MYRFL: variants seen among roughly 807,000 people sequenced by gnomAD.
MYRFL encodes the protein myelin regulatory factor like, also known as myelin regulatory factor-like protein.
In MYRFL, 88 loss-of-function variants were observed where a neutral mutation model predicts 109.4. That is an observed-to-expected ratio of 0.80 (90% CI 0.68 to 0.96). MYRFL has a LOEUF of 0.96. Ranked by LOEUF, MYRFL falls within the 40% of genes least tolerant of loss-of-function variation. The pLI is 0.00. For missense variants in MYRFL, 957 were observed against 954.9 expected (o/e 1.00, Z -0.03); for synonymous variants, 324 against 320.9 (o/e 1.01, Z -0.10).
At chr12:69,872,498 TAA>T (rs201962246) in intron 2 of MYRFL, among the ~76,000 whole-genome samples, 1 of 151,644 alleles carries the variant, frequency 6.6e-6, no homozygotes, top group African/African-American at 2.4e-5. Context: ...TAATCTTAAA[TAA>T]AAAAAATTTT....
chr12:69,885,500 C>T (rs900951288), intron 5 of MYRFL, among the ~76,000 whole-genome samples: 1 of 152,070 alleles, frequency 6.6e-6, no homozygotes, highest in African/African-American at 2.4e-5. Flanking sequence ...AGCTAATGTC[C>T]TATTTGTACA....
At chr12:69,868,868 A>T (rs539360386) in intron 2 of MYRFL, among the ~76,000 whole-genome samples, 1 of 152,150 alleles carries the variant, frequency 6.6e-6, no homozygotes, top group Non-Finnish European at 1.5e-5. Context: ...GTGCACACAC[A>T]CGCGCACACA....
intron 11 of MYRFL, among the ~76,000 whole-genome samples, chr12:69,908,262 G>A (rs1363951999): frequency 6.6e-6 from 1 of 152,210 alleles, no homozygotes; most frequent in Non-Finnish European, 1.5e-5. Flanking sequence ...CTCACGGGGT[G>A]TATGTGATAT....
chr12:69,869,799 A>G (rs879813202), intron 2 of MYRFL, among the ~76,000 whole-genome samples: 3 of 152,170 alleles, frequency 2.0e-5, no homozygotes, highest in Admixed American at 6.5e-5. Flanking sequence ...TGTCTGGTAG[A>G]GTCATGAGCA....
chr12:69,891,434 G>C (rs571453332), intron 7 of MYRFL, among the ~76,000 whole-genome samples: 2 of 152,182 alleles, frequency 1.3e-5, no homozygotes, highest in African/African-American at 4.8e-5. Context: ...CTCAAATGGG[G>C]CTCTAACTGA....
intron 1 of MYRFL, among the ~76,000 whole-genome samples, chr12:69,845,809 A>C (rs1404249071): frequency 7.1e-6 from 1 of 141,822 alleles, no homozygotes; most frequent in East Asian, 2.0e-4. Context: ...AAAAAAAAAA[A>C]ACCTTGTTAT....
chr12:69,863,768 A>G (rs545703064), intron 2 of MYRFL, among the ~76,000 whole-genome samples: 2 of 152,278 alleles, frequency 1.3e-5, no homozygotes, highest in South Asian at 2.1e-4. Flanking sequence ...AAGTTCCACA[A>G]TTCTTTCTGG....
At chr12:69,897,051 C>G (rs1368549332) in intron 9 of MYRFL, 105 bp from the exon 10 acceptor site, 5 of 786,400 alleles carry the variant, frequency 6.4e-6, no homozygotes, top group Non-Finnish European at 1.1e-5. Flanking sequence ...TAAGCAAACT[C>G]TTCTCGATAA....
intron 20 of MYRFL, among the ~76,000 whole-genome samples, 190 bp from the exon 21 acceptor site, chr12:69,952,609 C>G (rs570459323): frequency 2.8e-4 from 43 of 152,076 alleles, no homozygotes; most frequent in Non-Finnish European, 5.9e-4. Context: ...CTAATAGGTA[C>G]TATAACCCCC....
intron 13 of MYRFL, among the ~76,000 whole-genome samples, chr12:69,912,173 C>T (rs1566019954): frequency 6.6e-6 from 1 of 152,230 alleles, no homozygotes; most frequent in Non-Finnish European, 1.5e-5. Context: ...CTGCCTCCTG[C>T]TTCCCAAGAA....
At chr12:69,891,757 A>G (rs1009382770) in intron 7 of MYRFL, among the ~76,000 whole-genome samples, 5 of 150,358 alleles carry the variant, frequency 3.3e-5, no homozygotes, top group South Asian at 2.1e-4. Flanking sequence ...GGAGCACAGC[A>G]GCATGATTAT....
chr12:69,838,444 C>A (rs983976041), intron 1 of MYRFL, among the ~76,000 whole-genome samples: 2 of 152,162 alleles, frequency 1.3e-5, no homozygotes, highest in South Asian at 2.1e-4. Context: ...AATAATAATT[C>A]TTCCAAACTT....
Position 69,927,731 on chromosome 12 carries a change from C to A in MYRFL, c.1813C>A (p.His605Asn). 1.3e-6 allele frequency: 2 copies of A among 1,530,830 alleles called. No individual in the cohort carries two copies. Among genetic ancestry groups the A allele is most frequent in the African/African-American group, 1.4e-5 (1 of 72,600 alleles). The allele number at this position is 1,530,830 out of a possible 1,614,324, so 94.8% of individuals were successfully genotyped here. A position where few individuals can be genotyped will look rare whatever the true frequency, so the allele number is the denominator to read the frequency against. ...VSASSPRRAV[H>N]KKNNKVYFSG... Reference sequence around the variant, plus strand: ...TGCATCTTCTCCAAGAAGGGCCGTTCATAAAAAAAACAACAAGGTAAATAG... The same window carrying A: ...TGCATCTTCTCCAAGAAGGGCCGTTAATAAAAAAAACAACAAGGTAAATAG... The change falls in exon 15 of 25, where the codon CAT becomes AAT. Residue 605 changes from histidine (H) to asparagine (N), a missense_variant. Transcript: ENST00000552032.
At chr12:69,886,075 CA>C (rs1458118445) in intron 5 of MYRFL, among the ~76,000 whole-genome samples, 25 of 151,816 alleles carry the variant, frequency 1.6e-4, no homozygotes, top group African/African-American at 5.8e-4. Flanking sequence ...AAAAACAAAC[CA>C]AAATTCAAAA....
At chr12:69,826,866 G>A (rs1003792867) in intron 1 of MYRFL, among the ~76,000 whole-genome samples, 1 of 152,018 alleles carries the variant, frequency 6.6e-6, no homozygotes, top group Non-Finnish European at 1.5e-5. Flanking sequence ...CAAATATTGA[G>A]CGCCTACTCT....
intron 7 of MYRFL, among the ~76,000 whole-genome samples, chr12:69,892,024 T>C (rs1886945087): frequency 6.6e-6 from 1 of 152,192 alleles, no homozygotes; most frequent in African/African-American, 2.4e-5. Flanking sequence ...CACGGCATCA[T>C]TCAAATGATA....
intron 2 of MYRFL, among the ~76,000 whole-genome samples, chr12:69,861,730 T>C (rs1246252790): frequency 3.3e-5 from 5 of 151,172 alleles, no homozygotes; most frequent in Non-Finnish European, 5.9e-5. Context: ...TTTCTTTTGC[T>C]GTGCAGAAGC....
At chr12:69,951,101 T>C (rs1168164863) in intron 19 of MYRFL, among the ~76,000 whole-genome samples, 2 of 152,206 alleles carry the variant, frequency 1.3e-5, no homozygotes, top group Admixed American at 6.5e-5. Context: ...ATATCACTGA[T>C]TGATGACTGC....
intron 7 of MYRFL, among the ~76,000 whole-genome samples, chr12:69,892,651 C>A (rs932544816): frequency 2.6e-5 from 4 of 152,064 alleles, no homozygotes; most frequent in Admixed American, 1.3e-4. Context: ...TGTTCTTGCA[C>A]CAAACTGAGC....
Sources: allele counts gnomAD v4.1 joint callset (sites outside exome capture counted in the v4.1 genomes callset), GRCh38; gene constraint gnomAD v4.1.1; transcripts MANE v1.5; gene names NCBI Gene and HGNC (gene_info 2026-07-23, HGNC 2026-07-21).